The following ANO3 variants were observed in gnomAD, a reference collection of about 807,000 sequenced individuals.
The protein encoded by ANO3 is anoctamin-3.
Under a neutral mutation model 144.8 loss-of-function variants are expected in ANO3, and 99 were observed. That is an observed-to-expected ratio of 0.68 (90% CI 0.58 to 0.81). The LOEUF is 0.81. Ranked by LOEUF, ANO3 falls within the 30% of genes least tolerant of loss-of-function variation. ANO3 has a pLI of 0.00. For missense variants in ANO3, 905 were observed against 1,202.2 expected, an observed-to-expected ratio of 0.75 and a Z score of 3.66; for synonymous variants, 414 against 392.6, an observed-to-expected ratio of 1.05 and a Z score of -0.64.
chr11:26,238,843 A>G (rs1052503873), intron 1 of ANO3, among the ~76,000 whole-genome samples: 3 of 152,052 alleles, frequency 2.0e-5, no homozygotes, highest in Non-Finnish European at 4.4e-5. Context: ...TTCAGAACAT[A>G]TTTAATTCCT....
In ANO3 at chr11:26,647,705, C is replaced by A. The variant is rs199803552; in HGVS notation, c.2429-4C>A. 3.1e-6 allele frequency: 5 copies of A among 1,596,152 alleles called. No homozygotes were observed. The highest frequency in any genetic ancestry group is 4.3e-6 in the Non-Finnish European group (5 of 1,168,224). ...TTCACCATGATTAATCTTTCTCTTACCAGGTATCTGGCTTGGAATTCTCGA... is the reference window on the plus strand; with the variant it reads ...TTCACCATGATTAATCTTTCTCTTAACAGGTATCTGGCTTGGAATTCTCGA... On this transcript the variant is annotated splice_region_variant and splice_polypyrimidine_tract_variant and intron_variant, in intron 23 of 26. Coordinates refer to ENST00000256737, the MANE Select transcript of ANO3 (RefSeq NM_031418.4).
chr11:26,642,239 A>C (rs1853180583), intron 22 of ANO3, among the ~76,000 whole-genome samples: 1 of 152,154 alleles, frequency 6.6e-6, no homozygotes, highest in Non-Finnish European at 1.5e-5. Flanking sequence ...CATTGACCAA[A>C]ATGAAAGTTT....
At chr11:26,325,051 T>C (rs1854850591) in intron 1 of ANO3, among the ~76,000 whole-genome samples, 2 of 152,172 alleles carry the variant, frequency 1.3e-5, no homozygotes, top group African/African-American at 4.8e-5. Flanking sequence ...ATGCAAACTT[T>C]CCTGAAAGGG....
chr11:26,472,812 C>T (rs1859830604), intron 4 of ANO3, among the ~76,000 whole-genome samples: 1 of 151,878 alleles, frequency 6.6e-6, no homozygotes. Flanking sequence ...CCGCACACAG[C>T]CTTCTTAACC....
At chr11:26,575,720 C>T (rs2132842773) in intron 14 of ANO3, among the ~76,000 whole-genome samples, 1 of 152,202 alleles carries the variant, frequency 6.6e-6, no homozygotes, top group Non-Finnish European at 1.5e-5. Flanking sequence ...TGACATTGTG[C>T]AGCTATTAAA....
chr11:26,632,632 C>G (rs1176992085), intron 18 of ANO3, among the ~76,000 whole-genome samples: 1 of 150,398 alleles, frequency 6.6e-6, no homozygotes, highest in Non-Finnish European at 1.5e-5. Flanking sequence ...AACACACACA[C>G]ACACACACAA....
At position 26,448,299 on chromosome 11, in the gene ANO3, C is replaced by CAAA. The variant is rs11401959; in HGVS notation, c.313+4477_313+4479dup. Among the ~76,000 whole-genome samples, 54 of 132,472 alleles carry CAAA rather than the reference C, an allele frequency of 4.1e-4. No homozygotes were observed. The East Asian group carries it at 6.4e-3, about 16-fold the overall frequency. 86.9% of individuals were successfully genotyped at this position (132,472 alleles called of 152,430 possible). ...GGGCAACAAAAGCGTAACTCCGTCTCAAAAAAAAAAAAAAAAGAAAGAAAT... is the reference window on the plus strand; with the variant it reads ...GGGCAACAAAAGCGTAACTCCGTCTCAAAAAAAAAAAAAAAAAAAGAAAGAAAT... On this transcript the variant is annotated intron_variant, in intron 3 of 26. Coordinates refer to ENST00000256737, the MANE Select transcript of ANO3 (RefSeq NM_031418.4).
chr11:26,397,164 G>T (rs933143865), intron 1 of ANO3, among the ~76,000 whole-genome samples: 1 of 138,130 alleles, frequency 7.2e-6, no homozygotes, highest in Non-Finnish European at 1.6e-5. Flanking sequence ...CAAGCTAATC[G>T]CAAGGACTGA....
chr11:26,514,556 T>G (rs1174490695), intron 5 of ANO3, among the ~76,000 whole-genome samples: 1 of 152,092 alleles, frequency 6.6e-6, no homozygotes, highest in Non-Finnish European at 1.5e-5. Context: ...TGTACTTAAG[T>G]CTTTGTGATC....
Position 26,196,102 on chromosome 11 carries a change from A to G in ANO3, c.154+6772A>G, listed in dbSNP as rs1195558639. On this transcript the variant is annotated intron_variant, in intron 1 of 27. Coordinates refer to the ANO3 transcript ENST00000672621. ...ATACATATTGAATCTGAAAACCAAA[A>G]AAGTCTAACAAATACTCATATTACC... is the stretch of plus-strand genomic sequence containing the variant. Among the ~76,000 whole-genome samples the G allele has an allele frequency of 2.6e-5, 4 of 152,158 alleles. 1 individual carries two copies. Among genetic ancestry groups the G allele is most frequent in the African/African-American group, 9.7e-5 (4 of 41,448 alleles).
At chr11:26,507,182 A>C (rs922010888) in intron 4 of ANO3, among the ~76,000 whole-genome samples, 1 of 152,168 alleles carries the variant, frequency 6.6e-6, no homozygotes, top group Non-Finnish European at 1.5e-5. Context: ...CCATGAGGAA[A>C]ATGTGTTGAT....
At position 26,442,251 on chromosome 11, in the gene ANO3, A is replaced by G. The variant is rs936142027; in HGVS notation, c.241+139A>G. 19 of 794,124 alleles carry G rather than the reference A, an allele frequency of 2.4e-5. No homozygotes were observed. The African/African-American group carries it at 3.1e-4, about 13-fold the overall frequency. The allele number at this position is 794,124 out of a possible 1,614,324, so 49.2% of individuals were successfully genotyped here. A position where few individuals can be genotyped will look rare whatever the true frequency, so the allele number is the denominator to read the frequency against. On this transcript the variant is annotated intron_variant, in intron 2 of 26. Coordinates refer to ENST00000256737, the MANE Select transcript of ANO3 (RefSeq NM_031418.4). ...GCTGGCATAGAAAGGAGACCAGTACACCATGCCATTTGTTGGCCAGATGTG... is the reference window on the plus strand; with the variant it reads ...GCTGGCATAGAAAGGAGACCAGTACGCCATGCCATTTGTTGGCCAGATGTG...
At chr11:26,628,481 A>G (rs1455252455) in intron 18 of ANO3, among the ~76,000 whole-genome samples, 1 of 152,210 alleles carries the variant, frequency 6.6e-6, no homozygotes, top group Non-Finnish European at 1.5e-5. Flanking sequence ...CAGCACCTAT[A>G]TCCTTAGTGT....
intron 1 of ANO3, among the ~76,000 whole-genome samples, chr11:26,404,635 A>T (rs1051757499): frequency 6.6e-6 from 1 of 151,846 alleles, no homozygotes; most frequent in East Asian, 1.9e-4. Context: ...GCTATATTGT[A>T]TTTGTTTTGT....
At chr11:26,465,457 C>T (rs1374522960) in intron 4 of ANO3, among the ~76,000 whole-genome samples, 3 of 151,576 alleles carry the variant, frequency 2.0e-5, no homozygotes, top group African/African-American at 4.8e-5. Flanking sequence ...GCAAAGAGAT[C>T]ATTTTAGTGA....
At chr11:26,486,326 ACTCCAGT>A (rs1860446195) in intron 4 of ANO3, among the ~76,000 whole-genome samples, 1 of 141,030 alleles carries the variant, frequency 7.1e-6, no homozygotes. Context: ...ATGCCACTGC[ACTCCAGT>A]CTGGGCGACA....
At chr11:26,229,893 A>G (rs1852351825) in intron 1 of ANO3, among the ~76,000 whole-genome samples, 1 of 152,252 alleles carries the variant, frequency 6.6e-6, no homozygotes, top group African/African-American at 2.4e-5. Context: ...AACAGTTATT[A>G]GAAATTCCCT....
chr11:26,622,777 A>G (rs1160311642), intron 17 of ANO3, among the ~76,000 whole-genome samples: 1 of 152,218 alleles, frequency 6.6e-6, no homozygotes, highest in African/African-American at 2.4e-5. Flanking sequence ...TAAAATGGGA[A>G]TCATTATACC....
At chr11:26,612,472 C>A (rs1359326145) in intron 17 of ANO3, among the ~76,000 whole-genome samples, 1 of 149,628 alleles carries the variant, frequency 6.7e-6, no homozygotes, top group East Asian at 2.0e-4. Context: ...CGAATTCTGG[C>A]TGTTGTTGTT....
Sources: allele counts gnomAD v4.1 joint callset (sites outside exome capture counted in the v4.1 genomes callset), GRCh38; gene constraint gnomAD v4.1.1; transcripts MANE v1.5; gene names NCBI Gene and HGNC (gene_info 2026-07-23, HGNC 2026-07-21).